ACACA: variants seen among roughly 807,000 people sequenced by gnomAD.
The protein encoded by ACACA is acetyl-CoA carboxylase alpha.
Under a neutral mutation model 296.1 loss-of-function variants are expected in ACACA, and 103 were observed. The observed-to-expected ratio is 0.35, with a 90% CI of 0.30 to 0.41. The LOEUF is 0.41. Ranked by LOEUF, ACACA falls within the 10% of genes least tolerant of loss-of-function variation. ACACA has a pLI of 1.00. For missense variants in ACACA, 1,554 were observed against 2,989.7 expected, an observed-to-expected ratio of 0.52 and a Z score of 11.20; for synonymous variants, 953 against 1,038.6, an observed-to-expected ratio of 0.92 and a Z score of 1.58.
At chr17:37,380,815 T>C (rs829154) in intron 1 of ACACA, among the ~76,000 whole-genome samples, 78,564 of 151,810 alleles carry the variant, frequency 0.52, 21,441 homozygotes, top group East Asian at 0.99. Flanking sequence ...CCAGGCAGGT[T>C]CTGATCTCTG....
intron 42 of ACACA, among the ~76,000 whole-genome samples, chr17:37,160,999 AC>A (rs1286778788): frequency 6.6e-6 from 1 of 152,198 alleles, no homozygotes; most frequent in East Asian, 1.9e-4. Flanking sequence ...ATAGGACAGA[AC>A]CACTAGAAGA....
chr17:37,351,081 A>C (rs1005771585), intron 1 of ACACA, among the ~76,000 whole-genome samples: 1 of 152,230 alleles, frequency 6.6e-6, no homozygotes, highest in African/African-American at 2.4e-5. Flanking sequence ...TGGAGATTGC[A>C]GTGCGCTGAG....
At chr17:37,322,927 C>T (rs999001858) in intron 3 of ACACA, among the ~76,000 whole-genome samples, 3 of 152,220 alleles carry the variant, frequency 2.0e-5, no homozygotes, top group Non-Finnish European at 4.4e-5. Flanking sequence ...ACTCATCCTT[C>T]GAGCCCACAT....
chr17:37,369,819 C>A (rs913314579), intron 1 of ACACA, among the ~76,000 whole-genome samples: 2 of 152,054 alleles, frequency 1.3e-5, no homozygotes, highest in African/African-American at 4.8e-5. Flanking sequence ...AATTCTCCTG[C>A]CTCAGCTTCC....
intron 23 of ACACA, among the ~76,000 whole-genome samples, chr17:37,241,302 C>T (rs1403385105): frequency 3.9e-5 from 6 of 152,058 alleles, no homozygotes; most frequent in East Asian, 1.9e-4. Flanking sequence ...ATATAATAGG[C>T]TCCATAAGCT....
chr17:37,211,076 C>G (rs950315654), intron 29 of ACACA, among the ~76,000 whole-genome samples: 1 of 152,116 alleles, frequency 6.6e-6, no homozygotes, highest in African/African-American at 2.4e-5. Flanking sequence ...CATACTCTTC[C>G]TCCCATGAAG....
chr17:37,133,371 G>A (rs536925312), intron 45 of ACACA, among the ~76,000 whole-genome samples: 4 of 152,314 alleles, frequency 2.6e-5, no homozygotes, highest in Non-Finnish European at 4.4e-5. Context: ...TATAGGGGTC[G>A]TTGCTGACTC....
At chr17:37,173,995 TATATATATATATATATATATATATA>T (rs1567761203) in intron 41 of ACACA, among the ~76,000 whole-genome samples, 8 of 9,328 alleles carry the variant, frequency 8.6e-4, no homozygotes, top group African/African-American at 3.6e-3. Flanking sequence ...TATATATATA[TATATATATATATATATATATATATA>T]TTTTTTTTTT....
At chr17:37,260,267 TATATATATATATATATATATATATATA>T (rs2081400367) in intron 11 of ACACA, among the ~76,000 whole-genome samples, 4 of 21,138 alleles carry the variant, frequency 1.9e-4, no homozygotes, top group South Asian at 2.0e-3. Flanking sequence ...TATATATATA[TATATATATATATATATATATATATATA>T]TATTTTTTTT....
intron 3 of ACACA, among the ~76,000 whole-genome samples, chr17:37,297,356 G>A (rs12945037): frequency 0.022 from 3,323 of 150,352 alleles, 50 homozygotes; most frequent in Middle Eastern, 0.041. Context: ...CAGGGGAATC[G>A]CTTGAACCCG....
intron 1 of ACACA, among the ~76,000 whole-genome samples, chr17:37,390,175 T>TATATATATAAAC (rs60788220): frequency 2.2e-5 from 1 of 44,514 alleles, no homozygotes; most frequent in Non-Finnish European, 3.6e-5. Flanking sequence ...TATATATATA[T>TATATATATAAAC]ACACACACAC....
chr17:37,280,136 A>G (rs2082446146), intron 5 of ACACA, among the ~76,000 whole-genome samples: 1 of 152,208 alleles, frequency 6.6e-6, no homozygotes, highest in South Asian at 2.1e-4. Context: ...GGTATTATCA[A>G]TGTCTTCAAT....
chr17:37,357,365 C>G (rs554341268), intron 1 of ACACA, among the ~76,000 whole-genome samples: 1 of 152,116 alleles, frequency 6.6e-6, no homozygotes, highest in African/African-American at 2.4e-5. Flanking sequence ...TAGTGGCGCA[C>G]GCGTGTAATC....
chr17:37,330,652 A>G (rs1461831686), intron 2 of ACACA, among the ~76,000 whole-genome samples: 2 of 152,220 alleles, frequency 1.3e-5, no homozygotes, highest in African/African-American at 4.8e-5. Flanking sequence ...CTTTTCCTCA[A>G]AGAAATTTTT....
chr17:37,269,763 G>GAAA (rs71159698), intron 10 of ACACA, among the ~76,000 whole-genome samples: 24 of 129,300 alleles, frequency 1.9e-4, no homozygotes, highest in African/African-American at 6.4e-4. Flanking sequence ...TGTTTTAAGG[G>GAAA]AAAAAAAAAA....
chr17:37,372,286 A>G (rs1011964294), intron 1 of ACACA, among the ~76,000 whole-genome samples: 3 of 151,256 alleles, frequency 2.0e-5, no homozygotes, highest in Non-Finnish European at 1.5e-5. Flanking sequence ...GGTGGCGGGC[A>G]CCTGTAGTCC....
At chr17:37,148,346 G>A (rs1046839042) in intron 45 of ACACA, among the ~76,000 whole-genome samples, 1 of 152,046 alleles carries the variant, frequency 6.6e-6, no homozygotes, top group African/African-American at 2.4e-5. Flanking sequence ...AAAAAGGGAG[G>A]AAGACAGCCA....
At chr17:37,346,667 A>T (rs1304676968) in intron 1 of ACACA, among the ~76,000 whole-genome samples, 2 of 144,942 alleles carry the variant, frequency 1.4e-5, no homozygotes, top group Admixed American at 7.3e-5. Context: ...ACACCACTGC[A>T]CTCCAGCCTA....
intron 1 of ACACA, 71 bp downstream of exon 1, chr17:37,406,191 A>G: frequency 6.4e-7 from 1 of 1,556,306 alleles, no homozygotes; most frequent in Non-Finnish European, 8.9e-7. Context: ...TCTGGCATGC[A>G]ATAAGTACTC....
Sources: gnomAD v4.1 joint callset for allele counts (sites outside exome capture counted in the v4.1 genomes callset) on GRCh38, gnomAD v4.1.1 for gene constraint, MANE v1.5 for transcripts, NCBI Gene and HGNC (gene_info 2026-07-23, HGNC 2026-07-21) for gene names.